KCNK2: variants seen among roughly 807,000 people sequenced by gnomAD.
KCNK2 encodes the protein potassium two pore domain channel subfamily K member 2.
A neutral mutation model predicts 40.5 loss-of-function variants in KCNK2; 21 were observed. The ratio of observed to expected loss-of-function variants is 0.52; its 90% CI spans 0.37 to 0.75. The LOEUF (loss-of-function observed/expected upper bound fraction) is 0.75, where lower values mean the gene tolerates loss of function less well. Ranked by LOEUF, KCNK2 falls within the 30% of genes least tolerant of loss-of-function variation. The pLI is 0.00. For missense variants in KCNK2, 399 were observed against 531.6 expected, an observed-to-expected ratio of 0.75 and a Z score of 2.45; for synonymous variants, 191 against 202.2, an observed-to-expected ratio of 0.94 and a Z score of 0.47.
Position 215,175,087 on chromosome 1 carries a change from T to C in KCNK2, c.823+2904T>C, listed in dbSNP as rs376858767. On this transcript the variant is annotated intron_variant, in intron 5 of 6. Transcript: ENST00000444842. ...GCTTCCAGTTTTTGCCCATTCAGTA[T>C]GATATTGGCTGTGGGTTTGTCATAA... is the stretch of plus-strand genomic sequence containing the variant. Among the ~76,000 whole-genome samples, 11 of 152,338 alleles carry C rather than the reference T, an allele frequency of 7.2e-5. No homozygotes were observed. The South Asian group carries it at 2.3e-3, about 32-fold the overall frequency.
intron 6 of KCNK2, among the ~76,000 whole-genome samples, chr1:215,207,556 C>G (rs1031381351): frequency 6.6e-6 from 1 of 152,120 alleles, no homozygotes; most frequent in African/African-American, 2.4e-5. Flanking sequence ...AGGTTGTTCC[C>G]AAGAATGGTG....
chr1:215,132,445 T>A lies in KCNK2; in HGVS notation c.475+7695T>A, dbSNP rs185589466. ...AGAATTGTGTATTGGATTTTGGGAGTCCATTGAGGTTCTCTCAGGCAGCTT... is the reference window on the plus strand; with the variant it reads ...AGAATTGTGTATTGGATTTTGGGAGACCATTGAGGTTCTCTCAGGCAGCTT... On this transcript the variant is annotated intron_variant, in intron 3 of 6. Transcript: ENST00000444842. 1.2e-3 allele frequency among the ~76,000 whole-genome samples: 189 copies of A among 152,240 alleles called. 2 individuals carry two copies. The highest frequency in any genetic ancestry group is 0.012 in the Admixed American group (178 of 15,292).
intron 2 of KCNK2, among the ~76,000 whole-genome samples, chr1:215,096,475 T>G (rs989606084): frequency 2.6e-5 from 4 of 151,944 alleles, no homozygotes; most frequent in Non-Finnish European, 5.9e-5. Flanking sequence ...CCTCAAACAT[T>G]TATGATTTCA....
chr1:215,224,309 TA>T (rs888041803), intron 6 of KCNK2, among the ~76,000 whole-genome samples: 15 of 152,132 alleles, frequency 9.9e-5, no homozygotes, highest in African/African-American at 3.4e-4. Flanking sequence ...AAAACATTTT[TA>T]CATGAAACGG....
At chr1:215,155,161 A>G (rs1247327007) in intron 3 of KCNK2, among the ~76,000 whole-genome samples, 1 of 152,160 alleles carries the variant, frequency 6.6e-6, no homozygotes, top group East Asian at 1.9e-4. Context: ...GTAGCCTACT[A>G]CTTTCCCCAT....
At chr1:215,049,909 T>A (rs1657922427) in intron 1 of KCNK2, among the ~76,000 whole-genome samples, 1 of 152,162 alleles carries the variant, frequency 6.6e-6, no homozygotes, top group Non-Finnish European at 1.5e-5. Context: ...ACTATAGCAT[T>A]ATAACAGGTC....
intron 1 of KCNK2, among the ~76,000 whole-genome samples, chr1:215,065,096 A>G (rs1192604064): frequency 6.6e-6 from 1 of 152,226 alleles, no homozygotes; most frequent in African/African-American, 2.4e-5. Context: ...TTATATAATC[A>G]AGGCTTTGTT....
At chr1:215,230,410 G>A (rs1233188955) in intron 6 of KCNK2, among the ~76,000 whole-genome samples, 1 of 145,000 alleles carries the variant, frequency 6.9e-6, no homozygotes, top group Non-Finnish European at 1.5e-5. Flanking sequence ...TAGTATTATA[G>A]TTTTATTGGA....
intron 6 of KCNK2, among the ~76,000 whole-genome samples, chr1:215,209,476 T>TAATATATAATATATATTA (rs1553274203): frequency 0.25 from 10,947 of 43,100 alleles, 2,198 homozygotes; most frequent in Middle Eastern, 0.5. Flanking sequence ...ATAATATATA[T>TAATATATAATATATATTA]TATATATAAT....
intron 1 of KCNK2, among the ~76,000 whole-genome samples, chr1:215,061,051 G>T (rs1190405675): frequency 6.6e-6 from 1 of 152,024 alleles, no homozygotes; most frequent in East Asian, 1.9e-4. Flanking sequence ...ACAACATATA[G>T]ATATTATGAT....
At position 215,235,003 on chromosome 1, in the gene KCNK2, G is replaced by T. The variant is rs760985406; in HGVS notation, c.1139G>T (p.Cys380Phe). ...AGNHNQELTP[C>F]RRTLSVNHLT... Reference sequence around the variant, plus strand: ...AACCACAATCAGGAGCTGACTCCTTGTAGGAGGACCCTGTCAGTGAACCAC... The same window carrying T: ...AACCACAATCAGGAGCTGACTCCTTTTAGGAGGACCCTGTCAGTGAACCAC... The change falls in exon 7 of 7, where the codon TGT becomes TTT. Residue 380 changes from cysteine to phenylalanine, a missense_variant. This residue lies in a region of KCNK2 where 103 missense variants were observed against 124.3 expected (regional missense o/e 0.83). Coordinates refer to ENST00000444842, the MANE Select transcript of KCNK2 (RefSeq NM_001017425.3). 5.6e-6 allele frequency: 9 copies of T among 1,613,916 alleles called. No homozygotes were observed. The highest frequency in any genetic ancestry group is 7.6e-6 in the Non-Finnish European group (9 of 1,180,004).
chr1:215,115,809 A>G (rs1371545696), intron 2 of KCNK2, among the ~76,000 whole-genome samples: 1 of 151,990 alleles, frequency 6.6e-6, no homozygotes, highest in Admixed American at 6.6e-5. Context: ...GACAAAGATT[A>G]ATGGTCCCAT....
chr1:215,038,741 C>G (rs116051791), intron 1 of KCNK2, among the ~76,000 whole-genome samples: 2,698 of 152,102 alleles, frequency 0.018, 76 homozygotes, highest in African/African-American at 0.062. Context: ...GTATGATTAT[C>G]TGAAATTTTC....
intron 5 of KCNK2, among the ~76,000 whole-genome samples, chr1:215,176,705 A>G (rs1033649429): frequency 6.6e-6 from 1 of 152,118 alleles, no homozygotes; most frequent in African/African-American, 2.4e-5. Context: ...TCCATGGTAT[A>G]TATGTACCAG....
chr1:215,005,921 AATG>A (rs1656110947), exon 1 of KCNK2: 1 of 1,613,314 alleles, frequency 6.2e-7, no homozygotes, highest in East Asian at 2.2e-5. Flanking sequence ...AACATCACCA[AATG>A]ATGAACCCAC....
chr1:215,213,482 A>T (rs1449228896), intron 6 of KCNK2, among the ~76,000 whole-genome samples: 1 of 152,054 alleles, frequency 6.6e-6, no homozygotes, highest in Non-Finnish European at 1.5e-5. Flanking sequence ...ACGATGGCGC[A>T]TGCCTGTAAT....
At chr1:215,124,082 G>A (rs1307537014) in intron 2 of KCNK2, among the ~76,000 whole-genome samples, 1 of 152,148 alleles carries the variant, frequency 6.6e-6, no homozygotes, top group Non-Finnish European at 1.5e-5. Flanking sequence ...TACATGGACT[G>A]CCTTAAGCTT....
At chr1:215,115,419 TCTC>T (rs964204573) in intron 2 of KCNK2, among the ~76,000 whole-genome samples, 1 of 152,128 alleles carries the variant, frequency 6.6e-6, no homozygotes, top group African/African-American at 2.4e-5. Flanking sequence ...GCCTTTTTCT[TCTC>T]ATCAGTTTAG....
chr1:215,216,276 C>T (rs1017711138), intron 6 of KCNK2, among the ~76,000 whole-genome samples: 8 of 150,704 alleles, frequency 5.3e-5, no homozygotes, highest in African/African-American at 1.9e-4. Flanking sequence ...TATTGTAGTC[C>T]AGTTTAAAGA....
Sources: gnomAD v4.1 joint callset for allele counts (sites outside exome capture counted in the v4.1 genomes callset) on GRCh38, gnomAD v4.1.1 for gene constraint, gnomAD v4.1.1 regional missense constraint, MANE v1.5 for transcripts, NCBI Gene and HGNC (gene_info 2026-07-23, HGNC 2026-07-21) for gene names.